TAFA5: variants seen among roughly 807,000 people sequenced by gnomAD.
TAFA5 encodes TAFA chemokine like family member 5.
TAFA5 carries 6 observed loss-of-function variants against 15.3 expected under a neutral mutation model. The ratio of observed to expected loss-of-function variants is 0.39; its 90% confidence interval spans 0.21 to 0.77. The LOEUF (loss-of-function observed/expected upper bound fraction) is 0.77, where lower values mean the gene tolerates loss of function less well. Ranked by LOEUF, TAFA5 falls within the 30% of genes least tolerant of loss-of-function variation. The pLI is 0.41. For synonymous variants in TAFA5, 103 were observed against 80.7 expected, an observed-to-expected ratio of 1.28 and a Z score of -1.48; for missense variants, 161 against 193.1, an observed-to-expected ratio of 0.83 and a Z score of 0.98.
chr22:48,667,060 C>A (rs1046798873), intron 2 of TAFA5, among the ~76,000 whole-genome samples: 1 of 150,162 alleles, frequency 6.7e-6, no homozygotes, highest in Non-Finnish European at 1.5e-5. Context: ...GGGAGGAGGG[C>A]AAGTCGGGTG....
rs1184212493 is a variant in TAFA5 at position 48,490,291 on chromosome 22, C to T, written c.112+587C>T. On this transcript the variant is annotated intron_variant, in intron 1 of 3. Transcript: ENST00000402357. The surrounding 1 kb of genome is among the most constrained non-coding windows in gnomAD (Gnocchi z 5.8). The stretch of plus-strand genomic sequence containing the variant: ...GGATGGGATGCCCGGAGGGGGCTCG[C>T]CGCGGCCGCGGACGTTTCTCGGGTC... 2.0e-5 allele frequency among the ~76,000 whole-genome samples: 3 copies of T among 152,084 alleles called. No homozygotes were observed. The highest frequency in any genetic ancestry group is 4.4e-5 in the Non-Finnish European group (3 of 67,994).
Position 48,642,247 on chromosome 22 carries a change from G to A in TAFA5, c.113-4350G>A, listed in dbSNP as rs540913750. Among the ~76,000 whole-genome samples the A allele has an allele frequency of 2.0e-5, 3 of 152,320 alleles. No homozygotes were observed. The East Asian group carries it at 5.8e-4, about 29-fold the overall frequency. ...TCGCCACTGTCCCAGCCCTGCCAGAGCCCCAGGGGACCCCAGAACCTCCCA... is the reference window on the plus strand; with the variant it reads ...TCGCCACTGTCCCAGCCCTGCCAGAACCCCAGGGGACCCCAGAACCTCCCA... On this transcript the variant is annotated intron_variant, in intron 1 of 3. Coordinates refer to ENST00000402357, the MANE Select transcript of TAFA5 (RefSeq NM_001082967.3).
At chr22:48,660,738 A>G (rs1927407518) in intron 2 of TAFA5, among the ~76,000 whole-genome samples, 1 of 152,214 alleles carries the variant, frequency 6.6e-6, no homozygotes, top group African/African-American at 2.4e-5. Context: ...GTGCAACGAC[A>G]CAGCGCGTGG....
intron 1 of TAFA5, chr22:48,539,226 G>A: frequency 2.8e-6 from 1 of 352,356 alleles, no homozygotes; most frequent in South Asian, 2.3e-5. Flanking sequence ...CTGGCTGTAT[G>A]GAAATGAAGA....
chr22:48,572,870 A>G (rs1031178247), intron 1 of TAFA5, among the ~76,000 whole-genome samples: 1 of 152,260 alleles, frequency 6.6e-6, no homozygotes, highest in African/African-American at 2.4e-5. Flanking sequence ...ATGTGATATG[A>G]AAATACCTGT....
At position 48,745,236 on chromosome 22, in the gene TAFA5, C is replaced by CA. The variant is rs1263288233; in HGVS notation, c.391-4602dup. 1.6e-3 allele frequency among the ~76,000 whole-genome samples: 242 copies of CA among 150,414 alleles called. 1 individual carries two copies. The highest frequency in any genetic ancestry group is 5.9e-3 in the African/African-American group (237 of 40,300). Reference sequence around the variant, plus strand: ...AGGGTTCACCCTGAGCATTGGCACACACGGCTTTGTCGGCGGCGGCTGGCC... The same window carrying CA: ...AGGGTTCACCCTGAGCATTGGCACACAACGGCTTTGTCGGCGGCGGCTGGCC... On this transcript the variant is annotated intron_variant, in intron 3 of 3. Coordinates refer to ENST00000402357, the MANE Select transcript of TAFA5 (RefSeq NM_001082967.3).
In TAFA5 at chr22:48,629,272, C is replaced by T. The variant is rs77335543; in HGVS notation, c.113-17325C>T. ...CTCTCCCCTGCTTGCTCAGCTCACACGCCCTCTCCCAGGCCTCCCATCCTC... is the reference window on the plus strand; with the variant it reads ...CTCTCCCCTGCTTGCTCAGCTCACATGCCCTCTCCCAGGCCTCCCATCCTC... On this transcript the variant is annotated intron_variant, in intron 1 of 3. Transcript: ENST00000402357. Among the ~76,000 whole-genome samples, 546 of 152,254 alleles carry T rather than the reference C, an allele frequency of 3.6e-3. 3 individuals carry two copies. The highest frequency in any genetic ancestry group is 0.013 in the African/African-American group (524 of 41,548).
At chr22:48,549,145 G>A (rs1202101105) in intron 1 of TAFA5, among the ~76,000 whole-genome samples, 2 of 152,222 alleles carry the variant, frequency 1.3e-5, no homozygotes, top group South Asian at 2.1e-4. Context: ...AATGAGCCTC[G>A]CTTCCAGCCA....
In TAFA5 at chr22:48,565,948, A is replaced by G. The variant is rs79866178; in HGVS notation, c.112+76244A>G. On this transcript the variant is annotated intron_variant, in intron 1 of 3. Transcript: ENST00000402357. ...TGAGTAGATGGATGATGGATGATGA[A>G]TAGATGTGCAGCTGGGTGGATGGGT... Among the ~76,000 whole-genome samples, 565 of 152,140 alleles carry G rather than the reference A, an allele frequency of 3.7e-3. 8 individuals carry two copies. Among genetic ancestry groups the G allele is most frequent in the African/African-American group, 0.013 (537 of 41,490 alleles).
chr22:48,733,641 C>T (rs768240490), intron 3 of TAFA5, among the ~76,000 whole-genome samples: 2 of 152,112 alleles, frequency 1.3e-5, no homozygotes, highest in Non-Finnish European at 1.5e-5. Context: ...TAAACTGGAC[C>T]GAGTATGAGT....
intron 3 of TAFA5, 82 bp from the exon 4 acceptor site, chr22:48,749,757 G>A (rs1930427665): frequency 6.7e-7 from 1 of 1,493,048 alleles, no homozygotes; most frequent in South Asian, 1.2e-5. Flanking sequence ...CAGGAGCCGG[G>A]GAGGGAAGAG....
chr22:48,695,581 G>A (rs1928684450), intron 2 of TAFA5, among the ~76,000 whole-genome samples: 1 of 152,208 alleles, frequency 6.6e-6, no homozygotes, highest in South Asian at 2.1e-4. Flanking sequence ...GTGCCTGTCT[G>A]TCTGTTCCCC....
In TAFA5 at chr22:48,552,578, C is replaced by G. The variant is rs1254048735; in HGVS notation, c.112+62874C>G. Among the ~76,000 whole-genome samples the G allele has an allele frequency of 6.6e-6, 1 of 152,064 alleles. No homozygotes were observed. The highest frequency in any genetic ancestry group is 1.9e-4 in the East Asian group (1 of 5,174). On this transcript the variant is annotated intron_variant, in intron 1 of 3. Transcript: ENST00000402357. The surrounding 1 kb of genome is among the most constrained non-coding windows in gnomAD (Gnocchi z 4.1). ...AACCCACGCCCATGCCCAGCTCTGC[C>G]TAAATGGATCGATCATCTAGAACCC...
At chr22:48,524,700 G>A (rs1921720270) in intron 1 of TAFA5, among the ~76,000 whole-genome samples, 1 of 152,190 alleles carries the variant, frequency 6.6e-6, no homozygotes, top group Non-Finnish European at 1.5e-5. Flanking sequence ...GTGAGTTGCT[G>A]CCCTAGCTTG....
intron 1 of TAFA5, among the ~76,000 whole-genome samples, chr22:48,629,403 G>A (rs771367486): frequency 6.6e-6 from 1 of 152,240 alleles, no homozygotes; most frequent in Non-Finnish European, 1.5e-5. Context: ...AGCTGAGCCC[G>A]TAGCTCTGCC....
At chr22:48,740,631 C>T (rs1366620095) in intron 3 of TAFA5, among the ~76,000 whole-genome samples, 1 of 152,172 alleles carries the variant, frequency 6.6e-6, no homozygotes, top group Non-Finnish European at 1.5e-5. Flanking sequence ...CTGGCCCACA[C>T]TCTCAGCCAG....
chr22:48,579,086 T>A (rs1343167198), intron 1 of TAFA5, among the ~76,000 whole-genome samples: 6 of 151,896 alleles, frequency 4.0e-5, no homozygotes, highest in African/African-American at 1.5e-4. Flanking sequence ...TTTCCACACT[T>A]CTCCTTTTGT....
intron 3 of TAFA5, among the ~76,000 whole-genome samples, chr22:48,718,837 C>T (rs779587608): frequency 1.2e-4 from 19 of 152,322 alleles, no homozygotes; most frequent in South Asian, 4.1e-4. Context: ...CATCCTGCAC[C>T]AGGCTTGCCC....
chr22:48,655,903 G>A (rs529276903), intron 2 of TAFA5, among the ~76,000 whole-genome samples: 1 of 142,344 alleles, frequency 7.0e-6, no homozygotes, highest in African/African-American at 2.7e-5. Flanking sequence ...GCAGTGGCGC[G>A]ATCTCAGCTC....
Sources: allele counts gnomAD v4.1 joint callset (sites outside exome capture counted in the v4.1 genomes callset), GRCh38; gene constraint gnomAD v4.1.1; non-coding constraint Gnocchi (gnomAD v3.1); transcripts MANE v1.5; gene names NCBI Gene and HGNC (gene_info 2026-07-23, HGNC 2026-07-21).